The following TRAM1 variants were observed in gnomAD, a reference collection of about 807,000 sequenced individuals.
TRAM1 encodes translocation associated membrane protein 1.
A neutral mutation model predicts 48.7 loss-of-function variants in TRAM1; 17 were observed. The ratio of observed to expected loss-of-function variants is 0.35; its 90% confidence interval spans 0.24 to 0.52. TRAM1 has a LOEUF of 0.52. TRAM1 is among the 20% of genes least tolerant of loss of function. TRAM1 has a pLI of 0.94. For synonymous variants in TRAM1, 182 were observed against 154.0 expected (o/e 1.18, Z -1.34); for missense variants, 351 against 441.5 (o/e 0.79, Z 1.84).
chr8:70,576,101 C>CA (rs966210901), intron 10 of TRAM1, among the ~76,000 whole-genome samples: 22 of 131,084 alleles, frequency 1.7e-4, no homozygotes, highest in African/African-American at 2.9e-4. Context: ...AAAAACCACA[C>CA]AAAAAAAAAC....
chr8:70,585,124 T>C (rs963055809), intron 8 of TRAM1, among the ~76,000 whole-genome samples: 14 of 152,236 alleles, frequency 9.2e-5, no homozygotes, highest in African/African-American at 2.6e-4. Context: ...GAAATAATGC[T>C]GCATATCTAC....
chr8:70,585,521 A>G (rs1419253677), intron 8 of TRAM1, among the ~76,000 whole-genome samples: 6 of 147,352 alleles, frequency 4.1e-5, no homozygotes, highest in Admixed American at 4.1e-4. Flanking sequence ...TTCACAACCT[A>G]CTCATCTGAC....
chr8:70,588,791 T>C (rs1817284314), intron 6 of TRAM1, among the ~76,000 whole-genome samples: 2 of 152,234 alleles, frequency 1.3e-5, no homozygotes, highest in African/African-American at 2.4e-5. Flanking sequence ...GAAACACCTA[T>C]ACCTCATTTC....
chr8:70,585,085 TA>T (rs1346925176), intron 8 of TRAM1, among the ~76,000 whole-genome samples: 4 of 152,134 alleles, frequency 2.6e-5, no homozygotes, highest in African/African-American at 9.7e-5. Context: ...AACAGAGATA[TA>T]GATCAATGGA....
chr8:70,605,380 C>T (rs74676531), intron 1 of TRAM1, among the ~76,000 whole-genome samples: 9,635 of 152,268 alleles, frequency 0.063, 440 homozygotes, highest in Middle Eastern at 0.095. Context: ...TGAATCCCTT[C>T]AGCTCCAGAA....
intron 1 of TRAM1, among the ~76,000 whole-genome samples, chr8:70,606,386 G>A (rs1268227729): frequency 2.6e-5 from 4 of 152,160 alleles, no homozygotes; most frequent in Non-Finnish European, 4.4e-5. Context: ...TGTAGAGACA[G>A]GGTCTCCCTA....
chr8:70,575,324 C>T (rs1252557085), intron 10 of TRAM1, among the ~76,000 whole-genome samples: 1 of 152,140 alleles, frequency 6.6e-6, no homozygotes, highest in Non-Finnish European at 1.5e-5. Context: ...CATTTGACAG[C>T]GAAGTCCTTG....
Position 70,576,009 on chromosome 8 carries a change from T to C in TRAM1, c.1052-1004A>G, listed in dbSNP as rs373344609. On this transcript the variant is annotated intron_variant, in intron 10 of 10. Transcript: ENST00000262213. ...TCACTTGAGCCCGGGAGGCAAAGGT[T>C]GCAGTGAGCTGAGATCGCGCCACTG... Among the ~76,000 whole-genome samples the C allele has an allele frequency of 4.5e-4, 67 of 148,160 alleles. No homozygotes were observed. In the East Asian group the frequency reaches 0.01, roughly 23 times the overall value.
At chr8:70,598,858 G>T (rs1160543162) in intron 2 of TRAM1, among the ~76,000 whole-genome samples, 1 of 152,162 alleles carries the variant, frequency 6.6e-6, no homozygotes, top group Non-Finnish European at 1.5e-5. Context: ...ATACATAAAA[G>T]AGCTTTATTC....
At chr8:70,576,354 C>CTGA (rs1816953239) in intron 10 of TRAM1, among the ~76,000 whole-genome samples, 1 of 151,948 alleles carries the variant, frequency 6.6e-6, no homozygotes, top group Non-Finnish European at 1.5e-5. Context: ...TTGGTTTTGA[C>CTGA]TGATGGAAGG....
At chr8:70,595,125 A>G (rs1236870060) in intron 5 of TRAM1, among the ~76,000 whole-genome samples, 1 of 151,472 alleles carries the variant, frequency 6.6e-6, no homozygotes, top group Non-Finnish European at 1.5e-5. Flanking sequence ...CAGAGCTAGG[A>G]TTAAAGACAG....
At chr8:70,582,647 C>T (rs1395425569) in intron 10 of TRAM1, among the ~76,000 whole-genome samples, 15 of 151,732 alleles carry the variant, frequency 9.9e-5, no homozygotes, top group Non-Finnish European at 8.8e-5. Context: ...ATACCACATA[C>T]ACACTGAAAA....
intron 1 of TRAM1, chr8:70,607,553 CCT>C: frequency 1.1e-6 from 1 of 932,582 alleles, no homozygotes; most frequent in Admixed American, 6.2e-5. Context: ...CGGGGGCTCC[CCT>C]GTCACTCGGG....
rs77624020 is a variant in TRAM1, at chr8:70,604,987, A to G, written c.123+3090T>C. Among the ~76,000 whole-genome samples, 128 of 152,316 alleles carry G rather than the reference A, an allele frequency of 8.4e-4. 1 individual carries two copies. In the East Asian group the frequency reaches 0.021, roughly 25 times the overall value. The stretch of plus-strand genomic sequence containing the variant: ...TATGTGGACAGATATTTACTGTAAT[A>G]AAACTATGATTCCAAAATTTACAAG... On this transcript the variant is annotated intron_variant, in intron 1 of 10. Coordinates refer to ENST00000262213, the MANE Select transcript of TRAM1 (RefSeq NM_014294.6).
chr8:70,596,398 T>C, intron 4 of TRAM1, 77 bp from the exon 5 acceptor site: 2 of 1,132,472 alleles, frequency 1.8e-6, no homozygotes, highest in Non-Finnish European at 1.3e-6. Context: ...CTTTCATTTC[T>C]CAAACATTTA....
At chr8:70,584,347 C>A (rs1817156789) in intron 8 of TRAM1, among the ~76,000 whole-genome samples, 1 of 152,140 alleles carries the variant, frequency 6.6e-6, no homozygotes, top group South Asian at 2.1e-4. Context: ...GCCCAATTCT[C>A]ATTTAAGAGT....
chr8:70,605,176 G>T (rs535093403), intron 1 of TRAM1, among the ~76,000 whole-genome samples: 1 of 152,240 alleles, frequency 6.6e-6, no homozygotes, highest in East Asian at 1.9e-4. Flanking sequence ...CCCAATTTTG[G>T]TGAGTTTTTA....
At chr8:70,604,420 C>T (rs577427086) in intron 1 of TRAM1, among the ~76,000 whole-genome samples, 2 of 152,234 alleles carry the variant, frequency 1.3e-5, no homozygotes, top group Admixed American at 6.5e-5. Flanking sequence ...CTCAGTGGCA[C>T]GTGCCTGTAG....
At chr8:70,585,463 G>A (rs1415894481) in intron 8 of TRAM1, among the ~76,000 whole-genome samples, 2 of 151,678 alleles carry the variant, frequency 1.3e-5, no homozygotes, top group Admixed American at 6.6e-5. Context: ...CACAGCAAAA[G>A]AAACTACCAT....
Sources: allele counts gnomAD v4.1 joint callset (sites outside exome capture counted in the v4.1 genomes callset), GRCh38; gene constraint gnomAD v4.1.1; transcripts MANE v1.5; gene names NCBI Gene and HGNC (gene_info 2026-07-23, HGNC 2026-07-21).